The following CSGALNACT1 variants were observed in gnomAD, a reference collection of about 807,000 sequenced individuals.
The protein encoded by CSGALNACT1 is chondroitin sulfate N-acetylgalactosaminyltransferase 1, also known as beta4GalNAcT-1.
A neutral mutation model predicts 51.0 loss-of-function variants in CSGALNACT1; 52 were observed. The ratio of observed to expected loss-of-function variants is 1.02; its 90% CI spans 0.82 to 1.29. CSGALNACT1 has a LOEUF of 1.29. Among genes scored for constraint, CSGALNACT1 ranks in the 50% most tolerant of loss-of-function variants. The pLI, the probability that CSGALNACT1 is intolerant of heterozygous loss-of-function variation, is 0.00. For synonymous variants in CSGALNACT1, 341 were observed against 254.4 expected (o/e 1.34, Z -3.24); for missense variants, 935 against 679.2 (o/e 1.38, Z -4.19).
At chr8:19,489,861 T>C (rs2073964349) in intron 4 of CSGALNACT1, among the ~76,000 whole-genome samples, 1 of 152,158 alleles carries the variant, frequency 6.6e-6, no homozygotes, top group South Asian at 2.1e-4. Flanking sequence ...CAAGCTGAGC[T>C]GACATCTATC....
At chr8:19,526,089 C>T (rs962972102) in intron 3 of CSGALNACT1, among the ~76,000 whole-genome samples, 9 of 152,122 alleles carry the variant, frequency 5.9e-5, no homozygotes, top group Non-Finnish European at 1.2e-4. Context: ...AAAAGGCTGC[C>T]CAGCTCCACA....
intron 1 of CSGALNACT1, among the ~76,000 whole-genome samples, chr8:19,672,462 T>C (rs565717074): frequency 6.6e-6 from 1 of 152,368 alleles, no homozygotes; most frequent in Non-Finnish European, 1.5e-5. Context: ...TCAGACATAT[T>C]CAGCATCGCT....
chr8:19,518,301 G>A (rs774361868), intron 3 of CSGALNACT1, among the ~76,000 whole-genome samples: 1 of 152,178 alleles, frequency 6.6e-6, no homozygotes, highest in Non-Finnish European at 1.5e-5. Context: ...CTGGGAGTTT[G>A]CATGGATGAT....
At chr8:19,617,753 G>A (rs2053232745) in intron 1 of CSGALNACT1, among the ~76,000 whole-genome samples, 1 of 152,102 alleles carries the variant, frequency 6.6e-6, no homozygotes, top group Non-Finnish European at 1.5e-5. Flanking sequence ...TATATATTTT[G>A]ACATGTTAGG....
At chr8:19,458,088 A>G (rs1324685457) in intron 5 of CSGALNACT1, among the ~76,000 whole-genome samples, 2 of 152,136 alleles carry the variant, frequency 1.3e-5, no homozygotes, top group Non-Finnish European at 2.9e-5. Flanking sequence ...AAGGCTGCTC[A>G]CTTGCCTGGG....
intron 1 of CSGALNACT1, among the ~76,000 whole-genome samples, chr8:19,667,017 AAGGAAGGAAGG>A (rs1564386375): frequency 1.6e-4 from 6 of 36,700 alleles, no homozygotes; most frequent in African/African-American, 9.4e-4. Flanking sequence ...GAAAGAAAGA[AAGGAAGGAAGG>A]AAGGAAGGAA....
chr8:19,624,659 A>G (rs1031109337), intron 1 of CSGALNACT1, among the ~76,000 whole-genome samples: 7 of 150,328 alleles, frequency 4.7e-5, no homozygotes, highest in Non-Finnish European at 1.5e-5. Context: ...TCCATCTTGT[A>G]CTTTTACCAT....
intron 5 of CSGALNACT1, among the ~76,000 whole-genome samples, chr8:19,441,255 C>G (rs747231008): frequency 2.0e-5 from 3 of 152,162 alleles, no homozygotes; most frequent in African/African-American, 2.4e-5. Context: ...GAGCCTGCAT[C>G]GCCAAGTCAA....
intron 4 of CSGALNACT1, among the ~76,000 whole-genome samples, chr8:19,492,175 G>A (rs2074483758): frequency 6.6e-6 from 1 of 152,312 alleles, no homozygotes; most frequent in Middle Eastern, 3.4e-3. Flanking sequence ...CTAACTATAT[G>A]CGAGAAGGCT....
intron 3 of CSGALNACT1, among the ~76,000 whole-genome samples, chr8:19,514,312 C>T (rs1011492631): frequency 2.0e-5 from 3 of 151,742 alleles, no homozygotes; most frequent in African/African-American, 2.4e-5. Context: ...GGTACTGGCT[C>T]GGGTTTCACA....
chr8:19,565,906 A>G (rs1174207157), intron 3 of CSGALNACT1, among the ~76,000 whole-genome samples: 2 of 152,204 alleles, frequency 1.3e-5, no homozygotes, highest in African/African-American at 2.4e-5. Context: ...GCAAGGCTCC[A>G]TCTCAAACAA....
intron 1 of CSGALNACT1, among the ~76,000 whole-genome samples, chr8:19,722,918 C>G (rs377721162): frequency 1.3e-5 from 2 of 152,164 alleles, no homozygotes; most frequent in East Asian, 1.9e-4. Flanking sequence ...CAACGATTTC[C>G]CAAATGTTTT....
chr8:19,495,913 CA>C (rs1355039752), intron 4 of CSGALNACT1, among the ~76,000 whole-genome samples: 1 of 152,170 alleles, frequency 6.6e-6, no homozygotes, highest in Middle Eastern at 3.2e-3. Flanking sequence ...CCTCTCCAAC[CA>C]ATACCCATTT....
chr8:19,506,247 AGAT>A (rs2077307301), intron 3 of CSGALNACT1, 117 bp from the exon 3 acceptor site: 1 of 380,148 alleles, frequency 2.6e-6, no homozygotes, highest in African/African-American at 2.1e-5. Flanking sequence ...TGCCTATGAT[AGAT>A]GATTAAATAT....
At chr8:19,507,773 A>G (rs1424634937) in intron 3 of CSGALNACT1, among the ~76,000 whole-genome samples, 1 of 152,122 alleles carries the variant, frequency 6.6e-6, no homozygotes, top group Non-Finnish European at 1.5e-5. Context: ...GACTACAGGC[A>G]CGCATCACCA....
chr8:19,474,816 G>C (rs774162892), intron 4 of CSGALNACT1, among the ~76,000 whole-genome samples: 2 of 128,374 alleles, frequency 1.6e-5, no homozygotes, highest in Non-Finnish European at 3.1e-5. Flanking sequence ...GCAGTGAGCT[G>C]AGATCGCACC....
At chr8:19,680,154 T>C (rs1232326041) in intron 1 of CSGALNACT1, among the ~76,000 whole-genome samples, 1 of 152,102 alleles carries the variant, frequency 6.6e-6, no homozygotes, top group Non-Finnish European at 1.5e-5. Flanking sequence ...CCTGAAATAG[T>C]ATAGTTGGCC....
chr8:19,439,766 C>A (rs2061001649), intron 6 of CSGALNACT1, 64 bp downstream of exon 5: 2 of 1,243,322 alleles, frequency 1.6e-6, no homozygotes, highest in Non-Finnish European at 2.4e-6. Context: ...AAGTTTCAGC[C>A]TTGGATGTGT....
At chr8:19,700,939 A>T (rs564368259) in intron 1 of CSGALNACT1, among the ~76,000 whole-genome samples, 59 of 152,108 alleles carry the variant, frequency 3.9e-4, no homozygotes, top group Non-Finnish European at 7.8e-4. Context: ...ATATCCACTG[A>T]AAACAGGGAT....
Sources: gnomAD v4.1 joint callset for allele counts (sites outside exome capture counted in the v4.1 genomes callset) on GRCh38, gnomAD v4.1.1 for gene constraint, MANE v1.5 for transcripts, NCBI Gene and HGNC (gene_info 2026-07-23, HGNC 2026-07-21) for gene names.